The following SLX4IP variants were observed in gnomAD, a reference collection of about 807,000 sequenced individuals.
SLX4IP encodes SLX4 interacting protein.
Under a neutral mutation model 32.9 loss-of-function variants are expected in SLX4IP, and 34 were observed. The observed-to-expected ratio is 1.03, with a 90% CI of 0.79 to 1.38. SLX4IP has a LOEUF of 1.38. Among genes scored for constraint, SLX4IP ranks in the 40% most tolerant of loss-of-function variants. The pLI is 0.00. For synonymous variants in SLX4IP, 172 were observed against 171.7 expected (o/e 1.00, Z -0.01); for missense variants, 444 against 479.0 (o/e 0.93, Z 0.68).
chr20:10,620,263 A>G (rs1172303219), intron 6 of SLX4IP, among the ~76,000 whole-genome samples: 1 of 152,224 alleles, frequency 6.6e-6, no homozygotes, highest in Non-Finnish European at 1.5e-5. Flanking sequence ...AACACCTTGT[A>G]TGGATTATCT....
chr20:10,573,254 G>A (rs1232028080), intron 4 of SLX4IP, among the ~76,000 whole-genome samples: 1 of 152,122 alleles, frequency 6.6e-6, no homozygotes, highest in East Asian at 1.9e-4. Flanking sequence ...CCTTTTGAGA[G>A]CCCAGCCCTT....
intron 6 of SLX4IP, among the ~76,000 whole-genome samples, chr20:10,605,607 T>TA (rs1163105554): frequency 6.6e-6 from 1 of 152,196 alleles, no homozygotes; most frequent in Non-Finnish European, 1.5e-5. Context: ...TTTTGGAAAT[T>TA]AAAAAATGAT....
intron 4 of SLX4IP, among the ~76,000 whole-genome samples, chr20:10,561,545 CT>C (rs749781715): frequency 0.032 from 4,433 of 138,886 alleles, 86 homozygotes; most frequent in Admixed American, 0.094. Context: ...TTTCTTTTTT[CT>C]TTTTTTTTTT....
intron 5 of SLX4IP, among the ~76,000 whole-genome samples, chr20:10,599,290 C>T (rs1910290838): frequency 6.6e-6 from 1 of 152,106 alleles, no homozygotes; most frequent in South Asian, 2.1e-4. Context: ...GTTCACCTTC[C>T]ATGGACAATT....
chr20:10,547,872 C>G (rs1214593118), intron 2 of SLX4IP, among the ~76,000 whole-genome samples: 1 of 152,138 alleles, frequency 6.6e-6, no homozygotes, highest in Non-Finnish European at 1.5e-5. Context: ...CCAAAGGTAA[C>G]AGAAGGCAGC....
At chr20:10,540,098 T>TTC (rs1568730716) in intron 2 of SLX4IP, among the ~76,000 whole-genome samples, 5 of 17,144 alleles carry the variant, frequency 2.9e-4, no homozygotes, top group Non-Finnish European at 7.9e-4. Flanking sequence ...TTCCTTCCTT[T>TTC]CCTTCCTTCC....
chr20:10,450,079 C>T (rs1431583904), intron 1 of SLX4IP, among the ~76,000 whole-genome samples: 1 of 152,144 alleles, frequency 6.6e-6, no homozygotes, highest in East Asian at 1.9e-4. Flanking sequence ...CTATCCAAGG[C>T]AGATATGATG....
At chr20:10,485,148 A>G (rs2065561133) in intron 2 of SLX4IP, among the ~76,000 whole-genome samples, 1 of 152,022 alleles carries the variant, frequency 6.6e-6, no homozygotes, top group Non-Finnish European at 1.5e-5. Flanking sequence ...GAGTCAAGAA[A>G]TGATTACATT....
intron 2 of SLX4IP, among the ~76,000 whole-genome samples, chr20:10,504,445 G>T (rs627693): frequency 0.55 from 82,943 of 151,418 alleles, 23,183 homozygotes; most frequent in South Asian, 0.72. Context: ...CCCCTTCCTA[G>T]ACCCGCTTCC....
intron 6 of SLX4IP, among the ~76,000 whole-genome samples, chr20:10,608,219 C>T (rs977959241): frequency 2.0e-5 from 3 of 152,190 alleles, no homozygotes; most frequent in Non-Finnish European, 4.4e-5. Flanking sequence ...GCTTTGACCA[C>T]TGCCTCTCCC....
intron 2 of SLX4IP, among the ~76,000 whole-genome samples, chr20:10,543,367 A>T (rs2066128877): frequency 6.6e-6 from 1 of 152,200 alleles, no homozygotes; most frequent in African/African-American, 2.4e-5. Flanking sequence ...TCCCAAGTGG[A>T]GATGCACAGT....
At chr20:10,603,947 T>C (rs946543480) in intron 6 of SLX4IP, among the ~76,000 whole-genome samples, 4 of 152,232 alleles carry the variant, frequency 2.6e-5, no homozygotes, top group Non-Finnish European at 4.4e-5. Context: ...AGAGTCTGCC[T>C]GTCTCAGCTA....
intron 2 of SLX4IP, among the ~76,000 whole-genome samples, chr20:10,462,676 G>A (rs543441138): frequency 6.6e-6 from 1 of 152,278 alleles, no homozygotes; most frequent in South Asian, 2.1e-4. Flanking sequence ...CAAAATAGGG[G>A]AATAAACAGA....
chr20:10,515,877 A>G (rs2065845799), intron 2 of SLX4IP, among the ~76,000 whole-genome samples: 1 of 151,962 alleles, frequency 6.6e-6, no homozygotes, highest in African/African-American at 2.4e-5. Context: ...ATGTTACTTG[A>G]GGTTTTTTTG....
chr20:10,537,053 C>T lies in SLX4IP; in HGVS notation c.28-19178C>T, dbSNP rs142861154. 1.8e-3 allele frequency among the ~76,000 whole-genome samples: 270 copies of T among 152,272 alleles called. 1 individual carries two copies. The highest frequency in any genetic ancestry group is 2.6e-3 in the Non-Finnish European group (178 of 68,020). ...AATCAAATTTTAGTATCTAATATCT[C>T]TGAAGCTTAGGGCATAGAACATTAG... On this transcript the variant is annotated intron_variant, in intron 2 of 7. Transcript: ENST00000334534.
chr20:10,562,189 C>CAG (rs748498844), intron 4 of SLX4IP, among the ~76,000 whole-genome samples: 5 of 152,178 alleles, frequency 3.3e-5, no homozygotes, highest in Non-Finnish European at 5.9e-5. Flanking sequence ...ATCTCAAGGA[C>CAG]AGAGGGCTTT....
At chr20:10,504,070 C>T (rs1769192356) in intron 2 of SLX4IP, among the ~76,000 whole-genome samples, 1 of 152,178 alleles carries the variant, frequency 6.6e-6, no homozygotes, top group African/African-American at 2.4e-5. Context: ...CAATGCTCTT[C>T]GTGAGAAAGA....
In SLX4IP at chr20:10,610,026, A is replaced by G. The variant is rs189618959; in HGVS notation, c.405+8207A>G. Among the ~76,000 whole-genome samples, 189 of 152,272 alleles carry G rather than the reference A, an allele frequency of 1.2e-3. 1 individual carries two copies. The highest frequency in any genetic ancestry group is 4.4e-3 in the African/African-American group (181 of 41,554). ...AACAGTTGATAAGCCTCACAATGTCAAGTGTTGGCCCAAACCCATAAATTC... is the reference window on the plus strand; with the variant it reads ...AACAGTTGATAAGCCTCACAATGTCGAGTGTTGGCCCAAACCCATAAATTC... On this transcript the variant is annotated intron_variant, in intron 6 of 7. Transcript: ENST00000334534.
chr20:10,501,282 C>T (rs572447071), intron 2 of SLX4IP, among the ~76,000 whole-genome samples: 2 of 152,092 alleles, frequency 1.3e-5, no homozygotes, highest in African/African-American at 2.4e-5. Flanking sequence ...GAAAAATTTC[C>T]GCTATACTCC....
Sources: allele counts gnomAD v4.1 joint callset (sites outside exome capture counted in the v4.1 genomes callset), GRCh38; gene constraint gnomAD v4.1.1; transcripts MANE v1.5; gene names NCBI Gene and HGNC (gene_info 2026-07-23, HGNC 2026-07-21).